The following SLC25A48 variants were observed in gnomAD, a reference collection of about 807,000 sequenced individuals.
SLC25A48 encodes the protein solute carrier family 25 member 48, also known as CTC-321K16.1.
SLC25A48 carries 29 observed loss-of-function variants against 32.2 expected under a neutral mutation model. The observed-to-expected ratio is 0.90, with a 90% CI of 0.67 to 1.23. The LOEUF is 1.23. Among genes scored for constraint, SLC25A48 ranks in the 50% most tolerant of loss-of-function variants. SLC25A48 has a pLI of 0.00. For missense variants in SLC25A48, 399 were observed against 422.7 expected (o/e 0.94, Z 0.49); for synonymous variants, 164 against 172.3 (o/e 0.95, Z 0.38).
At chr5:135,600,134 G>T (rs1751760150) in intron 1 of SLC25A48, among the ~76,000 whole-genome samples, 1 of 152,220 alleles carries the variant, frequency 6.6e-6, no homozygotes, top group Non-Finnish European at 1.5e-5. Flanking sequence ...GTGTCTTTGG[G>T]TGTGGTTTTT....
At chr5:135,605,124 A>G (rs1268692084) in intron 1 of SLC25A48, among the ~76,000 whole-genome samples, 1 of 152,264 alleles carries the variant, frequency 6.6e-6, no homozygotes, top group East Asian at 1.9e-4. Context: ...GTATGCACTT[A>G]TATAATTTGT....
Position 135,633,161 on chromosome 5 carries a change from G to T in SLC25A48, c.-708-1608G>T, listed in dbSNP as rs149628513. ...ACTGTGGATGGATATTATTTTTATA[G>T]GTTTCTTGAAAGAAAGTGGGCTGTA... On this transcript the variant is annotated intron_variant, in intron 2 of 10. Transcript: ENST00000646290. Among the ~76,000 whole-genome samples the T allele has an allele frequency of 3.4e-3, 512 of 152,206 alleles. 4 individuals are homozygous for T. The highest frequency in any genetic ancestry group is 8.3e-3 in the African/African-American group (346 of 41,524).
At chr5:135,705,493 G>A (rs890571146) in intron 3 of SLC25A48, among the ~76,000 whole-genome samples, 1 of 152,232 alleles carries the variant, frequency 6.6e-6, no homozygotes, top group African/African-American at 2.4e-5. Context: ...TATTCCGTAA[G>A]TATTAAATGA....
At chr5:135,853,814 G>T (rs1026489234) in intron 4 of SLC25A48, among the ~76,000 whole-genome samples, 2 of 152,108 alleles carry the variant, frequency 1.3e-5, no homozygotes, top group Admixed American at 6.5e-5. Flanking sequence ...TTTCCAGAAG[G>T]TTTTTCAATT....
At chr5:135,686,601 T>C (rs1490767772) in intron 3 of SLC25A48, among the ~76,000 whole-genome samples, 2 of 152,236 alleles carry the variant, frequency 1.3e-5, no homozygotes, top group Non-Finnish European at 2.9e-5. Context: ...AGACCGAACA[T>C]GCCATGAGGG....
intron 3 of SLC25A48, among the ~76,000 whole-genome samples, chr5:135,719,383 GTGGGC>G (rs1754892390): frequency 6.6e-6 from 1 of 152,182 alleles, no homozygotes; most frequent in Non-Finnish European, 1.5e-5. Flanking sequence ...TGTCTCAGGA[GTGGGC>G]TGGGGATGCT....
At chr5:135,657,922 A>G (rs1753294240) in intron 3 of SLC25A48, among the ~76,000 whole-genome samples, 1 of 152,204 alleles carries the variant, frequency 6.6e-6, no homozygotes, top group East Asian at 1.9e-4. Flanking sequence ...ATCTGCCCCT[A>G]TAATCTAATC....
intron 3 of SLC25A48, among the ~76,000 whole-genome samples, chr5:135,721,611 A>G (rs1303109140): frequency 6.6e-6 from 1 of 152,082 alleles, no homozygotes; most frequent in Admixed American, 6.5e-5. Flanking sequence ...TGTAAAAGCT[A>G]CCAGCTGGAT....
At chr5:135,731,447 G>A (rs1008448076) in intron 3 of SLC25A48, among the ~76,000 whole-genome samples, 3 of 152,166 alleles carry the variant, frequency 2.0e-5, no homozygotes, top group Admixed American at 6.5e-5. Flanking sequence ...TTGGGGCAGC[G>A]AAAATTTTTG....
intron 6 of SLC25A48, 39 bp from the exon 7 acceptor site, chr5:135,879,926 GTGT>G: frequency 6.5e-7 from 1 of 1,533,966 alleles, no homozygotes. Flanking sequence ...CCTGCAGAGA[GTGT>G]GGGTCAGTCC....
At chr5:135,806,145 C>T (rs1757458030) in intron 3 of SLC25A48, among the ~76,000 whole-genome samples, 1 of 151,474 alleles carries the variant, frequency 6.6e-6, no homozygotes, top group Admixed American at 6.6e-5. Context: ...GATATCACTC[C>T]TAGTATTTCA....
chr5:135,763,806 A>G (rs1355122054), intron 3 of SLC25A48, among the ~76,000 whole-genome samples: 1 of 150,744 alleles, frequency 6.6e-6, no homozygotes, highest in Non-Finnish European at 1.5e-5. Flanking sequence ...AGAGACAGAG[A>G]AAACCCAGAA....
chr5:135,720,106 C>T (rs1335275201), intron 3 of SLC25A48, among the ~76,000 whole-genome samples: 1 of 152,238 alleles, frequency 6.6e-6, no homozygotes, highest in African/African-American at 2.4e-5. Flanking sequence ...AACGCAGTAG[C>T]TCAAAGTCAC....
chr5:135,680,955 T>C (rs983356166), intron 3 of SLC25A48, among the ~76,000 whole-genome samples: 1 of 152,220 alleles, frequency 6.6e-6, no homozygotes, highest in Non-Finnish European at 1.5e-5. Flanking sequence ...TTCTCTCTTT[T>C]TCCTCTCTGT....
chr5:135,829,905 G>T (rs1256433461), upstream of SLC25A48, among the ~76,000 whole-genome samples: 2 of 152,032 alleles, frequency 1.3e-5, no homozygotes, highest in Non-Finnish European at 2.9e-5. Flanking sequence ...TTGCGTCAGA[G>T]AATTCAACAA....
At chr5:135,610,579 T>C (rs1752041853) in intron 1 of SLC25A48, among the ~76,000 whole-genome samples, 2 of 152,248 alleles carry the variant, frequency 1.3e-5, no homozygotes, top group Admixed American at 6.5e-5. Context: ...AGTAAGTTTA[T>C]AGAAAGCCAA....
chr5:135,858,793 C>A (rs929790930), intron 4 of SLC25A48, among the ~76,000 whole-genome samples: 16 of 152,216 alleles, frequency 1.1e-4, no homozygotes, highest in African/African-American at 3.6e-4. Flanking sequence ...GAGCTGGGAG[C>A]ATGTCCCCAA....
intron 6 of SLC25A48, among the ~76,000 whole-genome samples, 154 bp from the exon 7 acceptor site, chr5:135,879,814 T>A (rs776102384): frequency 6.6e-6 from 1 of 152,200 alleles, no homozygotes; most frequent in Non-Finnish European, 1.5e-5. Context: ...TGACTGGGAC[T>A]TCCCTGTGTG....
At chr5:135,848,425 G>A (rs149866851) in intron 2 of SLC25A48, among the ~76,000 whole-genome samples, 12 of 152,256 alleles carry the variant, frequency 7.9e-5, no homozygotes, top group African/African-American at 2.4e-4. Context: ...ATCCCACTCC[G>A]AGGTAGGCCT....
Sources: gnomAD v4.1 joint callset for allele counts (sites outside exome capture counted in the v4.1 genomes callset) on GRCh38, gnomAD v4.1.1 for gene constraint, MANE v1.5 for transcripts, NCBI Gene and HGNC (gene_info 2026-07-23, HGNC 2026-07-21) for gene names.